The following AGBL1 variants were observed in gnomAD, a reference collection of about 807,000 sequenced individuals.
AGBL1 encodes cytosolic carboxypeptidase 4.
A neutral mutation model predicts 118.9 loss-of-function variants in AGBL1; 130 were observed. That is an observed-to-expected ratio of 1.09 (90% confidence interval 0.95 to 1.26). AGBL1 has a LOEUF of 1.26. Among genes scored for constraint, AGBL1 ranks in the 50% most tolerant of loss-of-function variants. The probability of loss-of-function intolerance (pLI) is 0.00; values close to 1 mark genes in which losing one functional copy is unlikely to be tolerated. For synonymous variants in AGBL1, 555 were observed against 478.9 expected (o/e 1.16, Z -2.08); for missense variants, 1,584 against 1,298.1 (o/e 1.22, Z -3.38).
At chr15:86,141,972 C>T (rs750880264) in intron 1 of AGBL1, 32 bp from the exon 2 acceptor site, 1 of 1,546,006 alleles carries the variant, frequency 6.5e-7, no homozygotes, top group Non-Finnish European at 8.7e-7. Flanking sequence ...CTCTTGCATT[C>T]TTAAATATGG....
intron 22 of AGBL1, among the ~76,000 whole-genome samples, chr15:86,830,379 AC>A (rs1021518367): frequency 2.6e-5 from 4 of 152,118 alleles, no homozygotes; most frequent in South Asian, 4.1e-4. Context: ...TTTAAAAAAA[AC>A]AATCATAGTA....
chr15:86,321,789 T>A (rs1313358849), intron 17 of AGBL1, among the ~76,000 whole-genome samples: 3 of 143,832 alleles, frequency 2.1e-5, no homozygotes, highest in African/African-American at 5.2e-5. Flanking sequence ...AAAAAAAAAA[T>A]AGAATTTATT....
intron 21 of AGBL1, among the ~76,000 whole-genome samples, chr15:86,579,487 C>A (rs1015256555): frequency 1.3e-5 from 2 of 152,170 alleles, no homozygotes; most frequent in Non-Finnish European, 2.9e-5. Context: ...TTTCTACTTT[C>A]TCCACGTAAG....
intron 21 of AGBL1, among the ~76,000 whole-genome samples, chr15:86,656,253 T>C (rs1247701660): frequency 6.6e-6 from 1 of 152,182 alleles, no homozygotes; most frequent in African/African-American, 2.4e-5. Flanking sequence ...GGTGAGAAAC[T>C]ATGTACAATA....
At chr15:86,937,863 G>T (rs2080695604) in intron 23 of AGBL1, among the ~76,000 whole-genome samples, 1 of 152,202 alleles carries the variant, frequency 6.6e-6, no homozygotes, top group Non-Finnish European at 1.5e-5. Flanking sequence ...CTACCCTGTT[G>T]CACAGCCTCA....
At chr15:86,571,627 G>T (rs1219826125) in intron 21 of AGBL1, among the ~76,000 whole-genome samples, 1 of 152,162 alleles carries the variant, frequency 6.6e-6, no homozygotes, top group African/African-American at 2.4e-5. Flanking sequence ...ATTCTTCTCT[G>T]CAGCTGGTCA....
At chr15:86,330,253 C>T (rs942970315) in intron 17 of AGBL1, among the ~76,000 whole-genome samples, 1 of 152,164 alleles carries the variant, frequency 6.6e-6, no homozygotes, top group Non-Finnish European at 1.5e-5. Flanking sequence ...GCTGCATTGG[C>T]CACAGCTGGC....
chr15:86,194,516 T>C (rs1476503036), intron 5 of AGBL1, among the ~76,000 whole-genome samples: 3 of 152,208 alleles, frequency 2.0e-5, no homozygotes, highest in Non-Finnish European at 4.4e-5. Context: ...TCCATGATGA[T>C]GGTTTTAGAA....
chr15:86,338,430 T>C (rs4887435), intron 17 of AGBL1, among the ~76,000 whole-genome samples: 76,154 of 151,706 alleles, frequency 0.5, 20,299 homozygotes, highest in Non-Finnish European at 0.6. Flanking sequence ...CTTTGAGTGA[T>C]TTGGCACCAT....
intron 17 of AGBL1, among the ~76,000 whole-genome samples, chr15:86,382,384 A>G (rs891818948): frequency 1.1e-4 from 17 of 152,302 alleles, no homozygotes; most frequent in Middle Eastern, 3.4e-3. Flanking sequence ...TGTGTCACTA[A>G]TATTCTCCGT....
intron 6 of AGBL1, among the ~76,000 whole-genome samples, chr15:86,226,109 T>G (rs60435816): frequency 6.6e-6 from 1 of 151,846 alleles, no homozygotes; most frequent in East Asian, 1.9e-4. Context: ...AAGAGCAGGA[T>G]AGGGGAGTGA....
chr15:86,151,360 A>G (rs1009915089), intron 3 of AGBL1, among the ~76,000 whole-genome samples: 1 of 152,126 alleles, frequency 6.6e-6, no homozygotes, highest in African/African-American at 2.4e-5. Context: ...CCTGGGATGC[A>G]AGGCTGGTTC....
chr15:86,270,928 C>A (rs1047758556), intron 14 of AGBL1, among the ~76,000 whole-genome samples: 1 of 152,106 alleles, frequency 6.6e-6, no homozygotes, highest in Non-Finnish European at 1.5e-5. Context: ...ATTTCCTTTC[C>A]TTTCCCAGCT....
intron 1 of AGBL1, among the ~76,000 whole-genome samples, chr15:86,108,707 C>T (rs1057288269): frequency 1.3e-5 from 2 of 152,256 alleles, no homozygotes; most frequent in African/African-American, 2.4e-5. Flanking sequence ...GCCTATAATC[C>T]CAGCACTTTG....
chr15:86,970,915 A>G (rs1192583241), intron 23 of AGBL1, among the ~76,000 whole-genome samples: 4 of 152,054 alleles, frequency 2.6e-5, no homozygotes, highest in Non-Finnish European at 5.9e-5. Flanking sequence ...AGATCAATAC[A>G]TTTAACCACT....
At chr15:86,275,028 T>C (rs979469438) in intron 15 of AGBL1, among the ~76,000 whole-genome samples, 1 of 152,166 alleles carries the variant, frequency 6.6e-6, no homozygotes, top group South Asian at 2.1e-4. Flanking sequence ...GATTCATTTT[T>C]CCCTGCCTCT....
At chr15:86,121,896 T>A (rs761305351) in intron 1 of AGBL1, among the ~76,000 whole-genome samples, 1 of 152,154 alleles carries the variant, frequency 6.6e-6, no homozygotes. Flanking sequence ...AAATTAGTTA[T>A]AAGATAAAAT....
At chr15:86,788,204 T>C (rs1374457139) in intron 22 of AGBL1, among the ~76,000 whole-genome samples, 1 of 152,236 alleles carries the variant, frequency 6.6e-6, no homozygotes, top group Non-Finnish European at 1.5e-5. Context: ...GATGCTTTCT[T>C]TGGTCTCTTG....
intron 17 of AGBL1, among the ~76,000 whole-genome samples, chr15:86,389,096 A>G (rs774860237): frequency 2.6e-5 from 4 of 152,198 alleles, no homozygotes; most frequent in Non-Finnish European, 5.9e-5. Flanking sequence ...AAAATACTTT[A>G]TTATTTGCAG....
Sources: allele counts gnomAD v4.1 joint callset (sites outside exome capture counted in the v4.1 genomes callset), GRCh38; gene constraint gnomAD v4.1.1; transcripts MANE v1.5; gene names NCBI Gene and HGNC (gene_info 2026-07-23, HGNC 2026-07-21).